The following ADGRF5 variants were observed in gnomAD, a reference collection of about 807,000 sequenced individuals.
ADGRF5 encodes the protein adhesion G protein-coupled receptor F5, also known as G-protein coupled receptor 116.
In ADGRF5, 75 loss-of-function variants were observed where a neutral mutation model predicts 132.3. That is an observed-to-expected ratio of 0.57 (90% CI 0.47 to 0.69). ADGRF5 has a LOEUF of 0.69. Among genes scored for constraint, ADGRF5 ranks in the 30% least tolerant of loss-of-function variants. The pLI, the probability that ADGRF5 is intolerant of heterozygous loss-of-function variation, is 0.00. For synonymous variants in ADGRF5, 629 were observed against 597.6 expected, an observed-to-expected ratio of 1.05 and a Z score of -0.77; for missense variants, 1,516 against 1,630.6, an observed-to-expected ratio of 0.93 and a Z score of 1.21.
At chr6:46,881,356 G>C (rs989259559) in intron 8 of ADGRF5, 99 bp downstream of exon 8, 2 of 1,017,516 alleles carry the variant, frequency 2.0e-6, no homozygotes, top group African/African-American at 3.2e-5. Context: ...CCAGGAACTG[G>C]AGTGTCTAGC....
intron 4 of ADGRF5, chr6:46,888,083 C>A: frequency 5.7e-6 from 2 of 353,980 alleles, no homozygotes; most frequent in Admixed American, 5.0e-5. Context: ...CTTGGGATCA[C>A]TTTATGACAA....
At position 46,869,007 on chromosome 6, in the gene ADGRF5, A is replaced by G. The variant is rs1297988866; in HGVS notation, c.1497T>C (p.Tyr499=). Residue 499 remains tyrosine, a synonymous_variant, in exon 12 of 21, where the codon TAT becomes TAC. Transcript: ENST00000283296. ...SIKCISDVSN[Y]DEVYWNTSAG... ...CAGAAGTGTTCCAATAAACCTCATC[A>G]TAGTTACTCACATCACTGATGCATT... The G allele has an allele frequency of 4.3e-6, 7 of 1,613,184 alleles. No individual in the cohort carries two copies. In the Admixed American group the frequency reaches 6.7e-5, roughly 15 times the overall value.
chr6:46,891,754 T>C (rs972301982), intron 3 of ADGRF5, among the ~76,000 whole-genome samples: 3 of 152,160 alleles, frequency 2.0e-5, no homozygotes, highest in African/African-American at 7.2e-5. Flanking sequence ...ACCAAGGCAG[T>C]TCTGCTCAGA....
chr6:46,873,186 C>T (rs1562168027), intron 10 of ADGRF5, among the ~76,000 whole-genome samples: 1 of 152,116 alleles, frequency 6.6e-6, no homozygotes, highest in Non-Finnish European at 1.5e-5. Context: ...CCCCTTCAAC[C>T]CCCAGATACA....
At chr6:46,943,029 A>G (rs548653674) in intron 1 of ADGRF5, among the ~76,000 whole-genome samples, 1 of 152,340 alleles carries the variant, frequency 6.6e-6, no homozygotes, top group Admixed American at 6.5e-5. Context: ...ATTACAATAA[A>G]TAAAGTCTGC....
intron 15 of ADGRF5, among the ~76,000 whole-genome samples, chr6:46,861,483 A>G (rs926004721): frequency 6.6e-6 from 1 of 152,164 alleles, no homozygotes; most frequent in Non-Finnish European, 1.5e-5. Context: ...TCTGTCTTCT[A>G]CGAAAAGCAT....
chr6:46,953,651 G>GTGTATATA lies in ADGRF5; in HGVS notation c.-25+1082_-25+1083insTATATACA, dbSNP rs1373212107. Among the ~76,000 whole-genome samples, 319 of 42,162 alleles carry GTGTATATA rather than the reference G, an allele frequency of 7.6e-3. 8 individuals are homozygous for GTGTATATA. Among genetic ancestry groups the GTGTATATA allele is most frequent in the African/African-American group, 0.019 (270 of 14,252 alleles). 27.7% of individuals were successfully genotyped at this position (42,162 alleles called of 152,430 possible). On this transcript the variant is annotated intron_variant, in intron 1 of 20. Coordinates refer to the ADGRF5 transcript ENST00000265417. Reference sequence around the variant, plus strand: ...AAATTATATATATATAGATATATGTGTATATATATATATATATATATATAT... The same window carrying GTGTATATA: ...AAATTATATATATATAGATATATGTGTGTATATATATATATATATATATATATATATAT...
chr6:46,919,897 T>C (rs1776767115), intron 1 of ADGRF5, among the ~76,000 whole-genome samples: 1 of 152,242 alleles, frequency 6.6e-6, no homozygotes, highest in Non-Finnish European at 1.5e-5. Context: ...GCTCTCTCCA[T>C]AAGCTGTATT....
At chr6:46,939,149 C>T (rs899649732) in intron 1 of ADGRF5, among the ~76,000 whole-genome samples, 4 of 152,282 alleles carry the variant, frequency 2.6e-5, no homozygotes, top group East Asian at 1.9e-4. Context: ...GGATTACAGG[C>T]GTGAGCCACC....
In ADGRF5 at chr6:46,918,568, G is replaced by A. The variant is rs377633892; in HGVS notation, c.-25+3145C>T. Among the ~76,000 whole-genome samples the A allele has an allele frequency of 8.3e-4, 127 of 152,314 alleles. 3 individuals are homozygous for A. The South Asian group carries it at 0.025, about 30-fold the overall frequency. ...CTTGAATAAAAAGTATGATCTGATA[G>A]TCATCTGGCATTAGAAGAGCACATC... On this transcript the variant is annotated intron_variant, in intron 1 of 20. Coordinates refer to ENST00000283296, the MANE Select transcript of ADGRF5 (RefSeq NM_001098518.2).
chr6:46,859,289 A>G lies in ADGRF5; in HGVS notation c.2614T>C (p.Phe872Leu), dbSNP rs1769442118. 1.9e-6 allele frequency: 3 copies of G among 1,613,930 alleles called. No homozygotes were observed. In the African/African-American group the frequency reaches 4.0e-5, roughly 22 times the overall value. ...TTGCCCCAGAGGTCAAAGTATGGGA[A>G]AACAAACCTCTGTTGATAGGTTTCT... Reference protein sequence around the residue: ...HPETYQQRFVFPYFDLWGNVV... With the variant: ...HPETYQQRFVLPYFDLWGNVV... The change falls in exon 17 of 21, where the codon TTC becomes CTC. Residue 872 changes from phenylalanine (F) to leucine (L), a missense_variant. Physicochemically the swap from Phe to Leu is conservative, Grantham distance 22 (BLOSUM62 0). Transcript: ENST00000283296.
In ADGRF5 at chr6:46,952,749, C is replaced by T. The variant is rs1056309727; in HGVS notation, c.-25+1985G>A. 2.6e-5 allele frequency among the ~76,000 whole-genome samples: 4 copies of T among 152,230 alleles called. No individual in the cohort carries two copies. In the East Asian group the frequency reaches 7.7e-4, roughly 29 times the overall value. ...ATTGATTGAGCAGAAGCTATGTGCC[C>T]AAAACTGTGCCAAATGCTATGGGTT... On this transcript the variant is annotated intron_variant, in intron 1 of 20. Coordinates refer to the ADGRF5 transcript ENST00000265417.
intron 2 of ADGRF5, among the ~76,000 whole-genome samples, chr6:46,900,804 C>T (rs927914005): frequency 3.9e-5 from 6 of 152,126 alleles, no homozygotes; most frequent in South Asian, 2.1e-4. Context: ...TACAGTATGG[C>T]ATATAGTAAG....
rs558933649 is a variant in ADGRF5, at chr6:46,883,229, T to C, written c.612+330A>G. On this transcript the variant is annotated intron_variant, in intron 6 of 20. Coordinates refer to ENST00000283296, the MANE Select transcript of ADGRF5 (RefSeq NM_001098518.2). ...GTTGTTAGGGGTTTCATTCATGTGATATATGAATAATAGAAATGCACCAAC... is the reference window on the plus strand; with the variant it reads ...GTTGTTAGGGGTTTCATTCATGTGACATATGAATAATAGAAATGCACCAAC... 4.6e-5 allele frequency among the ~76,000 whole-genome samples: 7 copies of C among 152,322 alleles called. No homozygotes were observed. The East Asian group carries it at 1.2e-3, about 25-fold the overall frequency.
chr6:46,880,741 T>C (rs1772362316), intron 8 of ADGRF5, among the ~76,000 whole-genome samples: 1 of 152,116 alleles, frequency 6.6e-6, no homozygotes, highest in Non-Finnish European at 1.5e-5. Context: ...GTAGCTCTTA[T>C]TATTGTTTTG....
At chr6:46,865,682 T>C (rs888604077) in intron 13 of ADGRF5, among the ~76,000 whole-genome samples, 7 of 152,244 alleles carry the variant, frequency 4.6e-5, no homozygotes, top group African/African-American at 1.7e-4. Flanking sequence ...CACAGAATGT[T>C]GAAATGCTGC....
At position 46,880,026 on chromosome 6, in the gene ADGRF5, G is replaced by T; in HGVS notation, c.828C>A (p.Phe276Leu). The change falls in exon 9 of 21, where the codon TTC becomes TTA. Residue 276 changes from phenylalanine (F) to leucine (L), a missense_variant. Coordinates refer to ENST00000283296, the MANE Select transcript of ADGRF5 (RefSeq NM_001098518.2). ...CAAAGATGATTTCTGGTGTGACAAAGAAATTGCTTTCATCTGGAAACCCAA... is the reference window on the plus strand; with the variant it reads ...CAAAGATGATTTCTGGTGTGACAAATAAATTGCTTTCATCTGGAAACCCAA... ...FQAVTINESN[F>L]FVTPEIIFEG... 6.2e-7 allele frequency: 1 copy of T among 1,613,690 alleles called. No individual in the cohort carries two copies. The highest frequency in any genetic ancestry group is 1.1e-5 in the South Asian group (1 of 91,068).
At chr6:46,876,894 C>G (rs994668378) in intron 10 of ADGRF5, among the ~76,000 whole-genome samples, 2 of 70,214 alleles carry the variant, frequency 2.8e-5, no homozygotes, top group Admixed American at 2.4e-4. Flanking sequence ...CGTGAGCCAC[C>G]GCCCCTGTTC....
At chr6:46,943,273 G>A (rs964963608) in intron 1 of ADGRF5, among the ~76,000 whole-genome samples, 3 of 152,150 alleles carry the variant, frequency 2.0e-5, no homozygotes, top group African/African-American at 7.2e-5. Flanking sequence ...GCTGAGGTTC[G>A]ATCTACAGTC....
Sources: allele counts gnomAD v4.1 joint callset (sites outside exome capture counted in the v4.1 genomes callset), GRCh38; gene constraint gnomAD v4.1.1; transcripts MANE v1.5; gene names NCBI Gene and HGNC (gene_info 2026-07-23, HGNC 2026-07-21).